The following SERINC5 variants were observed in gnomAD, a reference collection of about 807,000 sequenced individuals.
SERINC5 encodes chromosome 5 open reading frame 12.
In SERINC5, 41 loss-of-function variants were observed where a neutral mutation model predicts 63.1. The observed-to-expected ratio is 0.65, with a 90% CI of 0.51 to 0.84. SERINC5 has a LOEUF of 0.84. SERINC5 is among the 40% of genes least tolerant of loss of function. The pLI is 0.00. For synonymous variants in SERINC5, 222 were observed against 215.2 expected (o/e 1.03, Z -0.28); for missense variants, 523 against 573.0 (o/e 0.91, Z 0.89).
Position 80,150,369 on chromosome 5 carries a change from C to G in SERINC5, c.1053+513G>C, listed in dbSNP as rs144651846. Among the ~76,000 whole-genome samples the G allele has an allele frequency of 7.2e-5, 11 of 152,318 alleles. No individual in the cohort carries two copies. In the East Asian group the frequency reaches 2.1e-3, roughly 29 times the overall value. ...AGAGGCCAGCTTTCTTACAGAAAAT[C>G]AAGAATGGACTGATTCATTTTAATC... On this transcript the variant is annotated intron_variant, in intron 9 of 11. Coordinates refer to ENST00000507668, the MANE Select transcript of SERINC5 (RefSeq NM_001174072.3).
At chr5:80,196,031 G>A (rs1375757147) in intron 2 of SERINC5, among the ~76,000 whole-genome samples, 1 of 152,186 alleles carries the variant, frequency 6.6e-6, no homozygotes, top group Admixed American at 6.5e-5. Context: ...ACCAGGGAGG[G>A]TGGCATGGCC....
chr5:80,211,030 T>C (rs1750406404), intron 1 of SERINC5, among the ~76,000 whole-genome samples: 1 of 152,330 alleles, frequency 6.6e-6, no homozygotes, highest in Non-Finnish European at 1.5e-5. Context: ...ACCACACTCC[T>C]GTCAACCCTG....
intron 2 of SERINC5, among the ~76,000 whole-genome samples, chr5:80,188,694 TG>T (rs889843019): frequency 2.6e-5 from 4 of 152,124 alleles, no homozygotes; most frequent in African/African-American, 9.7e-5. Context: ...AAGACCAGCC[TG>T]GGCAGCACAG....
At chr5:80,250,489 A>T (rs1341931788) in intron 1 of SERINC5, among the ~76,000 whole-genome samples, 8 of 152,166 alleles carry the variant, frequency 5.3e-5, no homozygotes, top group Non-Finnish European at 1.2e-4. Context: ...TTACAGGCAT[A>T]TGCCATCACG....
At position 80,229,050 on chromosome 5, in the gene SERINC5, T is replaced by TGGGGGGGGC. The variant is rs1174325559; in HGVS notation, c.28-25998_28-25997insGCCCCCCCC. 1.1e-4 allele frequency among the ~76,000 whole-genome samples: 10 copies of TGGGGGGGGC among 94,104 alleles called. 2 individuals are homozygous for TGGGGGGGGC. Among genetic ancestry groups the TGGGGGGGGC allele is most frequent in the African/African-American group, 3.1e-4 (8 of 25,534 alleles). The allele number at this position is 94,104 out of a possible 152,430, so 61.7% of individuals were successfully genotyped here. ...TTTTTTTTTTTTTTTTTTTTTTTTT[T>TGGGGGGGGC]GGGGATGGAGTTGCCTAGGCTGGAG... On this transcript the variant is annotated intron_variant, in intron 1 of 11. Transcript: ENST00000507668.
intron 2 of SERINC5, among the ~76,000 whole-genome samples, chr5:80,199,209 T>C (rs963851645): frequency 5.9e-5 from 9 of 152,182 alleles, no homozygotes; most frequent in Admixed American, 4.6e-4. Flanking sequence ...CACAGCCTCG[T>C]AGCTAAGAAC....
intron 1 of SERINC5, among the ~76,000 whole-genome samples, chr5:80,249,790 G>A (rs961110121): frequency 5.9e-5 from 9 of 151,752 alleles, no homozygotes; most frequent in South Asian, 2.1e-4. Context: ...CAACAAGAGC[G>A]AAAACTCTGT....
intron 1 of SERINC5, among the ~76,000 whole-genome samples, chr5:80,254,463 C>T (rs1471983913): frequency 6.6e-6 from 1 of 152,134 alleles, no homozygotes; most frequent in African/African-American, 2.4e-5. Flanking sequence ...TTACAGAGCT[C>T]TAAATTAGGA....
At chr5:80,214,337 G>C (rs1282559416) in intron 1 of SERINC5, among the ~76,000 whole-genome samples, 1 of 152,138 alleles carries the variant, frequency 6.6e-6, no homozygotes, top group African/African-American at 2.4e-5. Context: ...ATGCTCTTCT[G>C]TATTTTCTGA....
chr5:80,204,996 G>A (rs56208869), intron 1 of SERINC5, among the ~76,000 whole-genome samples: 147 of 152,336 alleles, frequency 9.6e-4, no homozygotes, highest in Non-Finnish European at 1.6e-3. Context: ...GGTGGGCTCC[G>A]TGGGAACTTG....
At chr5:80,183,898 G>A (rs1748629006) in intron 2 of SERINC5, among the ~76,000 whole-genome samples, 2 of 152,182 alleles carry the variant, frequency 1.3e-5, no homozygotes, top group African/African-American at 4.8e-5. Flanking sequence ...CGACGCGCAT[G>A]AAAGGAAGCA....
intron 7 of SERINC5, among the ~76,000 whole-genome samples, chr5:80,164,452 GC>G (rs1228377456): frequency 5.3e-5 from 8 of 152,032 alleles, no homozygotes; most frequent in African/African-American, 1.9e-4. Flanking sequence ...AGAGCTCACA[GC>G]TCACTGCAGC....
At chr5:80,250,135 C>T (rs1355991623) in intron 1 of SERINC5, among the ~76,000 whole-genome samples, 1 of 152,164 alleles carries the variant, frequency 6.6e-6, no homozygotes, top group Non-Finnish European at 1.5e-5. Context: ...AGAGAGGAAA[C>T]ATCCTTGCAG....
chr5:80,219,252 T>C (rs934288794), intron 1 of SERINC5, among the ~76,000 whole-genome samples: 2 of 152,342 alleles, frequency 1.3e-5, no homozygotes, highest in African/African-American at 4.8e-5. Flanking sequence ...CCCCATGTTC[T>C]GGATGCCTGG....
At chr5:80,250,328 TG>T (rs1195778293) in intron 1 of SERINC5, among the ~76,000 whole-genome samples, 6 of 152,098 alleles carry the variant, frequency 3.9e-5, no homozygotes, top group African/African-American at 2.4e-5. Context: ...AAGGACATTT[TG>T]GGGGAAACAT....
chr5:80,250,003 A>G (rs1435547893), intron 1 of SERINC5, among the ~76,000 whole-genome samples: 10 of 152,204 alleles, frequency 6.6e-5, no homozygotes, highest in Non-Finnish European at 5.9e-5. Context: ...ACCATGTAAT[A>G]TAATGAGGAC....
At chr5:80,116,264 C>T (rs1197589452) in intron 11 of SERINC5, 1 of 455,604 alleles carries the variant, frequency 2.2e-6, no homozygotes, top group Non-Finnish European at 4.4e-6. Flanking sequence ...GAGATGTTTC[C>T]ATCCCCTCTT....
chr5:80,190,921 A>G (rs1374198876), intron 2 of SERINC5, among the ~76,000 whole-genome samples: 1 of 149,564 alleles, frequency 6.7e-6, no homozygotes, highest in African/African-American at 2.5e-5. Flanking sequence ...GGGTGCCCAG[A>G]CCCTCATTTT....
chr5:80,191,680 AG>A (rs1276001390), intron 2 of SERINC5, among the ~76,000 whole-genome samples: 1 of 146,250 alleles, frequency 6.8e-6, no homozygotes. Context: ...AAAAAAAGAA[AG>A]AAAAAAAAAA....
Sources: allele counts gnomAD v4.1 joint callset (sites outside exome capture counted in the v4.1 genomes callset), GRCh38; gene constraint gnomAD v4.1.1; transcripts MANE v1.5; gene names NCBI Gene and HGNC (gene_info 2026-07-23, HGNC 2026-07-21).